The following TMTC2 variants were observed in gnomAD, a reference collection of about 807,000 sequenced individuals.
TMTC2 encodes transmembrane O-mannosyltransferase targeting cadherins 2, also known as protein O-mannosyl-transferase TMTC2.
TMTC2 carries 43 observed loss-of-function variants against 82.4 expected under a neutral mutation model. That is an observed-to-expected ratio of 0.52 (90% CI 0.41 to 0.67). The LOEUF (loss-of-function observed/expected upper bound fraction) is 0.67. Ranked by LOEUF, TMTC2 falls within the 30% of genes least tolerant of loss-of-function variation. The pLI, the probability that TMTC2 is intolerant of heterozygous loss-of-function variation, is 0.00. For missense variants in TMTC2, 919 were observed against 1,012.4 expected (o/e 0.91, Z 1.25); for synonymous variants, 408 against 381.9 (o/e 1.07, Z -0.80).
chr12:82,827,653 TTTTTCTTTTC>T (rs570287557), intron 1 of TMTC2, among the ~76,000 whole-genome samples: 4 of 151,874 alleles, frequency 2.6e-5, no homozygotes, highest in Non-Finnish European at 4.4e-5. Flanking sequence ...TCTTCTTTCT[TTTTTCTTTTC>T]TTTTCTTTTC....
chr12:82,809,163 C>T (rs1314479616), intron 1 of TMTC2, among the ~76,000 whole-genome samples: 1 of 151,548 alleles, frequency 6.6e-6, no homozygotes, highest in Non-Finnish European at 1.5e-5. Context: ...AAGGATATTA[C>T]CGCTAATGAC....
At chr12:83,041,340 A>T (rs999087596) in intron 9 of TMTC2, among the ~76,000 whole-genome samples, 2 of 152,192 alleles carry the variant, frequency 1.3e-5, no homozygotes, top group African/African-American at 4.8e-5. Context: ...CTCCTTGAGC[A>T]TGAGGTGACT....
intron 1 of TMTC2, among the ~76,000 whole-genome samples, chr12:82,852,331 T>A (rs1871022470): frequency 6.6e-6 from 1 of 152,034 alleles, no homozygotes; most frequent in Admixed American, 6.6e-5. Context: ...ATGGTCTCGA[T>A]CTCCTGACCT....
At chr12:83,101,893 A>G (rs1037195316) in intron 11 of TMTC2, among the ~76,000 whole-genome samples, 2 of 152,244 alleles carry the variant, frequency 1.3e-5, no homozygotes, top group African/African-American at 4.8e-5. Flanking sequence ...TTTGTATGCA[A>G]TGCATATTGG....
Position 83,009,349 on chromosome 12 carries a change from A to G in TMTC2, c.2071-21449A>G, listed in dbSNP as rs550423909. 1.2e-4 allele frequency among the ~76,000 whole-genome samples: 19 copies of G among 152,222 alleles called. No homozygotes were observed. In the East Asian group the frequency reaches 2.7e-3, roughly 22 times the overall value. On this transcript the variant is annotated intron_variant, in intron 8 of 11. Transcript: ENST00000321196. ...AGTACCCCCTAAGACTGTGGTCCTC[A>G]GGGTTTCTCTTTCTCCTGATAGTCT...
At chr12:83,111,378 T>C (rs2137546380) in intron 11 of TMTC2, among the ~76,000 whole-genome samples, 1 of 152,376 alleles carries the variant, frequency 6.6e-6, no homozygotes, top group East Asian at 1.9e-4. Flanking sequence ...TTTTGTAGCA[T>C]AGAAGTAGTC....
chr12:82,958,401 T>C (rs1555200938), intron 4 of TMTC2, among the ~76,000 whole-genome samples: 1 of 138,612 alleles, frequency 7.2e-6, no homozygotes, highest in Non-Finnish European at 1.5e-5. Flanking sequence ...CTGACCAATA[T>C]CCCTAATGAA....
intron 5 of TMTC2, 26 bp from the exon 6 acceptor site, chr12:82,965,534 C>T (rs772289854): frequency 1.2e-6 from 2 of 1,611,598 alleles, no homozygotes; most frequent in Non-Finnish European, 1.7e-6. Flanking sequence ...TCTTCTCACA[C>T]TTTTGTTTCC....
chr12:83,067,659 TG>T (rs1882968257), intron 11 of TMTC2, among the ~76,000 whole-genome samples: 1 of 152,026 alleles, frequency 6.6e-6, no homozygotes, highest in Non-Finnish European at 1.5e-5. Flanking sequence ...TAAAGACTCA[TG>T]GACAACTGCA....
intron 1 of TMTC2, among the ~76,000 whole-genome samples, chr12:82,713,804 T>A (rs1245046302): frequency 6.6e-6 from 1 of 152,186 alleles, no homozygotes; most frequent in Non-Finnish European, 1.5e-5. Flanking sequence ...AGGAGGAAAG[T>A]AGTTTTGAGA....
Position 82,905,818 on chromosome 12 carries a change from G to A in TMTC2, c.1483+9172G>A, listed in dbSNP as rs182520991. Reference sequence around the variant, plus strand: ...AAATTAGCCGGGCATGGTGGCGGGCGCCTGTATTCCCAGCTACTCGGGAGG... The same window carrying A: ...AAATTAGCCGGGCATGGTGGCGGGCACCTGTATTCCCAGCTACTCGGGAGG... On this transcript the variant is annotated intron_variant, in intron 3 of 11. Transcript: ENST00000321196. 3.5e-3 allele frequency among the ~76,000 whole-genome samples: 532 copies of A among 151,926 alleles called. 2 individuals are homozygous for A. Among genetic ancestry groups the A allele is most frequent in the African/African-American group, 0.012 (497 of 41,438 alleles).
intron 4 of TMTC2, among the ~76,000 whole-genome samples, chr12:82,943,767 C>T (rs1471781): frequency 0.64 from 97,335 of 152,048 alleles, 33,191 homozygotes; most frequent in South Asian, 0.82. Context: ...AATAAGGATC[C>T]ATTAATTTAT....
chr12:83,090,125 T>C (rs962616329), intron 11 of TMTC2, among the ~76,000 whole-genome samples: 1 of 152,214 alleles, frequency 6.6e-6, no homozygotes, highest in Non-Finnish European at 1.5e-5. Context: ...TAACTGTAGT[T>C]TGGATGTTTT....
intron 9 of TMTC2, among the ~76,000 whole-genome samples, chr12:83,034,211 G>T (rs1881570380): frequency 2.0e-5 from 3 of 152,102 alleles, no homozygotes; most frequent in Admixed American, 1.3e-4. Flanking sequence ...TAGGAAGTTG[G>T]ATACTCCTTG....
At chr12:82,969,193 T>C (rs1025630088) in intron 7 of TMTC2, among the ~76,000 whole-genome samples, 1 of 152,192 alleles carries the variant, frequency 6.6e-6, no homozygotes, top group African/African-American at 2.4e-5. Flanking sequence ...TGTCAGCGTG[T>C]GCTGATTATC....
chr12:83,011,948 A>T (rs1400873249), intron 8 of TMTC2, among the ~76,000 whole-genome samples: 5 of 152,184 alleles, frequency 3.3e-5, no homozygotes, highest in African/African-American at 4.8e-5. Context: ...TACTTGTTGA[A>T]TGAATGCAGG....
intron 1 of TMTC2, among the ~76,000 whole-genome samples, chr12:82,696,964 G>GTGTGTATATATATATATA (rs374532592): frequency 9.9e-5 from 14 of 141,550 alleles, no homozygotes; most frequent in South Asian, 2.3e-4. Flanking sequence ...ACATACATAC[G>GTGTGTATATATATATATA]TATATATATA....
chr12:82,856,045 T>C (rs1871247876), intron 1 of TMTC2, among the ~76,000 whole-genome samples: 1 of 152,220 alleles, frequency 6.6e-6, no homozygotes, highest in South Asian at 2.1e-4. Context: ...TTAATCTTTC[T>C]GAACCACAAA....
intron 11 of TMTC2, among the ~76,000 whole-genome samples, chr12:83,125,393 T>C (rs1396286179): frequency 6.6e-6 from 1 of 152,232 alleles, no homozygotes; most frequent in East Asian, 1.9e-4. Context: ...ATGTAGGTGA[T>C]ATTTTGTATG....
Sources: gnomAD v4.1 joint callset for allele counts (sites outside exome capture counted in the v4.1 genomes callset) on GRCh38, gnomAD v4.1.1 for gene constraint, MANE v1.5 for transcripts, NCBI Gene and HGNC (gene_info 2026-07-23, HGNC 2026-07-21) for gene names.